The following MEX3C variants were observed in gnomAD, a reference collection of about 807,000 sequenced individuals.
MEX3C encodes the protein RNA-binding E3 ubiquitin-protein ligase MEX3C.
In MEX3C, 15 loss-of-function variants were observed where a neutral mutation model predicts 35.5. That is an observed-to-expected ratio of 0.42 (90% CI 0.28 to 0.65). The LOEUF is 0.65. Ranked by LOEUF, MEX3C falls within the 30% of genes least tolerant of loss-of-function variation. MEX3C has a pLI of 0.20. For missense variants in MEX3C, 711 were observed against 842.8 expected (o/e 0.84, Z 1.94); for synonymous variants, 390 against 352.8 (o/e 1.11, Z -1.18).
At chr18:51,191,824 T>C (rs1050907485) in intron 1 of MEX3C, among the ~76,000 whole-genome samples, 16 of 152,148 alleles carry the variant, frequency 1.1e-4, no homozygotes, top group Non-Finnish European at 2.1e-4. Context: ...GATTACACAG[T>C]GAGTTATTGG....
In MEX3C at chr18:51,176,654, C is replaced by T. The variant is rs1426009677; in HGVS notation, c.1677G>A (p.Arg559=). The change falls in exon 2 of 2, where the codon AGG becomes AGA. Residue 559 remains arginine (R), a synonymous_variant. Coordinates refer to ENST00000406189, the MANE Select transcript of MEX3C (RefSeq NM_016626.5). ...PESIEHPLAR[R]VRSDPPSTGN... ...CTGTACTAGGTGGGTCGCTCCTAAC[C>T]CTCCGAGCAAGTGGATGTTCTATGC... 1 of 1,613,936 alleles carries T rather than the reference C, an allele frequency of 6.2e-7. No homozygotes were observed. Among genetic ancestry groups the T allele is most frequent in the East Asian group, 2.2e-5 (1 of 44,874 alleles).
At position 51,176,546 on chromosome 18, in the gene MEX3C, G is replaced by C. The variant is rs1212322730; in HGVS notation, c.1785C>G (p.Thr595=). 1.9e-6 allele frequency: 3 copies of C among 1,613,860 alleles called. No homozygotes were observed. Among genetic ancestry groups the C allele is most frequent in the African/African-American group, 1.3e-5 (1 of 74,904 alleles). The stretch of plus-strand genomic sequence containing the variant: ...GTCTTGATTCTGGAGGTGAGCTAGA[G>C]GTGGAACCACCATTGGAAGAGGAGT... The part of the protein sequence containing the change: ...NSYSSSNGGS[T]SSSPPESRRK... Residue 595 remains threonine (T), a synonymous_variant, in exon 2 of 2, where the codon ACC becomes ACG. Coordinates refer to ENST00000406189, the MANE Select transcript of MEX3C (RefSeq NM_016626.5).
At chr18:51,194,657 G>A (rs542771175) in intron 1 of MEX3C, 3 of 152,236 alleles carry the variant, frequency 2.0e-5, no homozygotes, top group East Asian at 3.9e-4. Context: ...CAGTAAAACT[G>A]GCACGTAAAT....
chr18:51,196,955 T>C lies in MEX3C; in HGVS notation c.366A>G (p.Gly122=). The change falls in exon 1 of 2, where the codon GGA becomes GGG. Residue 122 remains glycine (G), a synonymous_variant. Coordinates refer to ENST00000406189, the MANE Select transcript of MEX3C (RefSeq NM_016626.5). Reference sequence around the variant, plus strand: ...CCAGCTCCTCCTCCTCCAGCAGGTCTCCGTCCAGCTCCGCTTCCTCCCCCT... The same window carrying C: ...CCAGCTCCTCCTCCTCCAGCAGGTCCCCGTCCAGCTCCGCTTCCTCCCCCT... The part of the protein sequence containing the change: ...EEEGEEAELD[G]DLLEEEELEE... 6.5e-7 allele frequency: 1 copy of C among 1,542,870 alleles called. No homozygotes were observed. Among genetic ancestry groups the C allele is most frequent in the South Asian group, 1.2e-5 (1 of 83,748 alleles).
rs1912807621 is a variant in MEX3C at position 51,196,814 on chromosome 18, G to A, written c.507C>T (p.Ala169=). 6.5e-7 allele frequency: 1 copy of A among 1,532,346 alleles called. No homozygotes were observed. Among genetic ancestry groups the A allele is most frequent in the African/African-American group, 1.4e-5 (1 of 71,320 alleles). The allele number at this position is 1,532,346 out of a possible 1,614,324, so 94.9% of individuals were successfully genotyped here. A position where few individuals can be genotyped will look rare whatever the true frequency, so the allele number is the denominator to read the frequency against. The change falls in exon 1 of 2, where the codon GCC becomes GCT. Residue 169 remains alanine, a synonymous_variant. Transcript: ENST00000406189. ...CCGCCTCCCGGGCATCGAACCTGGC[G>A]GCTGGCAGCAGCACAGACCCCAGGG... The part of the protein sequence containing the change: ...GGSLGSVLLP[A]ARFDAREAAA...
Position 51,196,767 on chromosome 18 carries a change from C to A in MEX3C, c.554G>T (p.Gly185Val). 2 of 1,486,408 alleles carry A rather than the reference C, an allele frequency of 1.3e-6. No individual in the cohort carries two copies. Among genetic ancestry groups the A allele is most frequent in the Non-Finnish European group, 9.0e-7 (1 of 1,114,576 alleles). The allele number at this position is 1,486,408 out of a possible 1,614,324, so 92.1% of individuals were successfully genotyped here. Reference protein sequence around the residue: ...REAAAAAAAAGVLYGGDDAQG... With the variant: ...REAAAAAAAAVVLYGGDDAQG... ...GGCATCGTCCCCTCCGTACAGCACCCCCGCCGCCGCCGCCGCGGCCGCCGC... is the reference window on the plus strand; with the variant it reads ...GGCATCGTCCCCTCCGTACAGCACCACCGCCGCCGCCGCCGCGGCCGCCGC... The change falls in exon 1 of 2, where the codon GGG becomes GTG. Residue 185 changes from glycine (G) to valine (V), a missense_variant. By Grantham distance (109) the Gly-to-Val change is moderately radical (BLOSUM62 -3). This residue lies in a region of MEX3C where 354 missense variants were observed against 311.6 expected (regional missense o/e 1.14). Transcript: ENST00000406189.
At position 51,175,706 on chromosome 18, in the gene MEX3C, G is replaced by C. The variant is rs1017902621; in HGVS notation, c.*645C>G. ...TTCACAATTGCATTCCTGATCCACTGATCATACCAGCCTTGAGCACTCTGG... is the reference window on the plus strand; with the variant it reads ...TTCACAATTGCATTCCTGATCCACTCATCATACCAGCCTTGAGCACTCTGG... On this transcript the variant is annotated 3_prime_UTR_variant, in exon 2 of 2. Coordinates refer to ENST00000406189, the MANE Select transcript of MEX3C (RefSeq NM_016626.5). 9 of 152,510 alleles carry C rather than the reference G, an allele frequency of 5.9e-5. No individual in the cohort carries two copies. The highest frequency in any genetic ancestry group is 8.8e-5 in the Non-Finnish European group (6 of 68,032). The allele number at this position is 152,510 out of a possible 1,614,324, so 9.4% of individuals were successfully genotyped here.
intron 1 of MEX3C, among the ~76,000 whole-genome samples, chr18:51,188,900 T>C (rs2144555561): frequency 6.6e-6 from 1 of 152,346 alleles, no homozygotes; most frequent in African/African-American, 2.4e-5. Context: ...TCTTTTCTTA[T>C]ACTGTTGGTT....
rs1163093543 is a variant in MEX3C, at chr18:51,184,768, AG to A, written c.755-7193del. Among the ~76,000 whole-genome samples the A allele has an allele frequency of 2.0e-5, 3 of 152,134 alleles. No individual in the cohort carries two copies. In the East Asian group the frequency reaches 5.8e-4, roughly 30 times the overall value. On this transcript the variant is annotated intron_variant, in intron 1 of 1. Coordinates refer to ENST00000406189, the MANE Select transcript of MEX3C (RefSeq NM_016626.5). ...AGCTACTTGGGAGGCTGAGGTTGGG[AG>A]GATCACCTAAGCCTAGGATGTCAAG...
At chr18:51,180,773 G>A (rs916970808) in intron 1 of MEX3C, among the ~76,000 whole-genome samples, 93 of 152,182 alleles carry the variant, frequency 6.1e-4, no homozygotes, top group Non-Finnish European at 6.8e-4. Flanking sequence ...GTGAGCCATC[G>A]TGCCTGGCCA....
In MEX3C at chr18:51,177,965, T is replaced by G. The variant is rs147030817; in HGVS notation, c.755-389A>C. Among the ~76,000 whole-genome samples, 457 of 152,350 alleles carry G rather than the reference T, an allele frequency of 3.0e-3. 1 individual carries two copies. The highest frequency in any genetic ancestry group is 0.01 in the African/African-American group (424 of 41,572). ...ATTCTAGGCCTGCTATGATTCAGTT[T>G]TGTTTATTCCCATGTTGTTTGTGGT... is the stretch of plus-strand genomic sequence containing the variant. On this transcript the variant is annotated intron_variant, in intron 1 of 1. Transcript: ENST00000406189. The surrounding 1 kb of genome is among the most constrained non-coding windows in gnomAD (Gnocchi z 4.2).
chr18:51,187,419 T>C (rs1166222625), intron 1 of MEX3C, among the ~76,000 whole-genome samples: 1 of 152,224 alleles, frequency 6.6e-6, no homozygotes, highest in East Asian at 1.9e-4. Context: ...CGGAACCTGC[T>C]GTTTCAACGT....
chr18:51,186,050 C>T (rs1208577186), intron 1 of MEX3C, among the ~76,000 whole-genome samples: 4 of 152,276 alleles, frequency 2.6e-5, no homozygotes, highest in South Asian at 2.1e-4. Context: ...TCCACTTATC[C>T]TAGGCGTTCC....
At chr18:51,187,788 G>A (rs1912572008) in intron 1 of MEX3C, among the ~76,000 whole-genome samples, 2 of 152,186 alleles carry the variant, frequency 1.3e-5, no homozygotes, top group African/African-American at 4.8e-5. Flanking sequence ...TGAAGGGGTT[G>A]TATTAATAAT....
chr18:51,194,030 T>G (rs1912718634), intron 1 of MEX3C: 1 of 152,242 alleles, frequency 6.6e-6, no homozygotes, highest in Non-Finnish European at 1.5e-5. Flanking sequence ...GGATGAAAGT[T>G]TAGCTCCTTC....
Position 51,196,886 on chromosome 18 carries a change from C to T in MEX3C, c.435G>A (p.Ser145=). 1 of 1,540,998 alleles carries T rather than the reference C, an allele frequency of 6.5e-7. No homozygotes were observed. Among genetic ancestry groups the T allele is most frequent in the Non-Finnish European group, 8.7e-7 (1 of 1,145,906 alleles). Residue 145 remains serine, a synonymous_variant, in exon 1 of 2, where the codon TCG becomes TCA. Coordinates refer to ENST00000406189, the MANE Select transcript of MEX3C (RefSeq NM_016626.5). The stretch of plus-strand genomic sequence containing the variant: ...TCTGAGAGGCGGTGGCCGCGGGCGG[C>T]GACAGCAGCAGCAGCGACGACCGGT... ...EEDRSSLLLL[S]PPAATASQTQ...
Position 51,196,753 on chromosome 18 carries a change from C to T in MEX3C, c.568G>A (p.Gly190Arg), listed in dbSNP as rs1441105348. The T allele has an allele frequency of 7.3e-6, 11 of 1,516,562 alleles. No individual in the cohort carries two copies. The South Asian group carries it at 9.7e-5, about 13-fold the overall frequency. 93.9% of individuals were successfully genotyped at this position (1,516,562 alleles called of 1,614,324 possible). Reference protein sequence around the residue: ...AAAAAGVLYGGDDAQGMMAAM... With the variant: ...AAAAAGVLYGRDDAQGMMAAM... ...GCCATCATGCCCTGGGCATCGTCCCCTCCGTACAGCACCCCCGCCGCCGCC... is the reference window on the plus strand; with the variant it reads ...GCCATCATGCCCTGGGCATCGTCCCTTCCGTACAGCACCCCCGCCGCCGCC... Residue 190 changes from glycine to arginine, a missense_variant, in exon 1 of 2, where the codon GGG becomes AGG. Physicochemically the swap from Gly to Arg is moderately radical, Grantham distance 125. Around this residue, in one of 4 missense-constraint regions of MEX3C, gnomAD observed 354 missense variants for 311.6 expected, o/e 1.14. Coordinates refer to ENST00000406189, the MANE Select transcript of MEX3C (RefSeq NM_016626.5).
chr18:51,196,069 G>A, intron 1 of MEX3C: 1 of 156,198 alleles, frequency 6.4e-6, no homozygotes, highest in Admixed American at 6.3e-5. Flanking sequence ...CCGACCATTT[G>A]AACACCCCTT....
Position 51,197,324 on chromosome 18 carries a change from G to A in MEX3C, c.-4C>T. 2.1e-6 allele frequency: 1 copy of A among 479,380 alleles called. No homozygotes were observed. Among genetic ancestry groups the A allele is most frequent in the Non-Finnish European group, 2.7e-6 (1 of 368,886 alleles). The allele number at this position is 479,380 out of a possible 1,614,324, so 29.7% of individuals were successfully genotyped here. A position where few individuals can be genotyped will look rare whatever the true frequency, so the allele number is the denominator to read the frequency against. On this transcript the variant is annotated 5_prime_UTR_variant, in exon 1 of 2. Coordinates refer to ENST00000406189, the MANE Select transcript of MEX3C (RefSeq NM_016626.5). ...CCGCGGAGCTGCCGCTGGGCATCGC[G>A]GCGGCGCGCTGTCAATGGCGGCGGC...
Sources: gnomAD v4.1 joint callset for allele counts (sites outside exome capture counted in the v4.1 genomes callset) on GRCh38, gnomAD v4.1.1 for gene constraint, gnomAD v4.1.1 regional missense constraint, Gnocchi (gnomAD v3.1) non-coding constraint, MANE v1.5 for transcripts, NCBI Gene and HGNC (gene_info 2026-07-23, HGNC 2026-07-21) for gene names.